KCNU1: variants seen among roughly 807,000 people sequenced by gnomAD.
KCNU1 encodes the protein potassium channel subfamily U member 1.
A neutral mutation model predicts 126.8 loss-of-function variants in KCNU1; 93 were observed. That is an observed-to-expected ratio of 0.73 (90% CI 0.62 to 0.87). KCNU1 has a LOEUF of 0.87. KCNU1 is among the 40% of genes least tolerant of loss of function. The pLI, the probability that KCNU1 is intolerant of heterozygous loss-of-function variation, is 0.00. For synonymous variants in KCNU1, 523 were observed against 494.2 expected, an observed-to-expected ratio of 1.06 and a Z score of -0.77; for missense variants, 1,330 against 1,367.1, an observed-to-expected ratio of 0.97 and a Z score of 0.43.
chr8:36,820,653 C>G (rs1341426496), intron 10 of KCNU1, among the ~76,000 whole-genome samples: 1 of 149,112 alleles, frequency 6.7e-6, no homozygotes, highest in Non-Finnish European at 1.5e-5. Context: ...TCGAGCAGAA[C>G]TTAGAAGCAA....
At chr8:36,848,863 A>G (rs1030097286) in intron 18 of KCNU1, among the ~76,000 whole-genome samples, 3 of 152,014 alleles carry the variant, frequency 2.0e-5, no homozygotes. Flanking sequence ...TATCAACCTG[A>G]AGCACTGTAT....
intron 10 of KCNU1, among the ~76,000 whole-genome samples, chr8:36,829,046 C>T (rs193005313): frequency 6.6e-6 from 1 of 152,192 alleles, no homozygotes; most frequent in African/African-American, 2.4e-5. Flanking sequence ...GTTTACTAGG[C>T]ACACATCTTT....
intron 24 of KCNU1, among the ~76,000 whole-genome samples, chr8:36,923,745 A>G (rs1808444876): frequency 6.6e-6 from 1 of 152,172 alleles, no homozygotes; most frequent in East Asian, 1.9e-4. Context: ...TGGAGCTGGA[A>G]CTCACAGTCT....
At chr8:36,914,451 C>T (rs549702095) in intron 22 of KCNU1, among the ~76,000 whole-genome samples, 2 of 152,330 alleles carry the variant, frequency 1.3e-5, no homozygotes, top group South Asian at 4.1e-4. Context: ...TGGAGAAACT[C>T]CGCCCTAACC....
intron 22 of KCNU1, among the ~76,000 whole-genome samples, chr8:36,915,940 G>T (rs891814352): frequency 6.6e-6 from 1 of 151,518 alleles, no homozygotes; most frequent in African/African-American, 2.4e-5. Flanking sequence ...AGAAAGGGAG[G>T]GAGGAGGAAA....
chr8:36,826,432 A>G (rs1299717034), intron 10 of KCNU1, among the ~76,000 whole-genome samples: 1 of 151,558 alleles, frequency 6.6e-6, no homozygotes, highest in Admixed American at 6.6e-5. Flanking sequence ...CTGGTCTCCA[A>G]CTCCTGACCT....
intron 22 of KCNU1, among the ~76,000 whole-genome samples, chr8:36,911,411 T>C (rs1476278938): frequency 6.6e-6 from 1 of 152,194 alleles, no homozygotes; most frequent in African/African-American, 2.4e-5. Flanking sequence ...ATTTTTGTTG[T>C]TATGATCAGT....
chr8:36,802,272 G>C (rs1009711919), intron 2 of KCNU1, among the ~76,000 whole-genome samples: 1 of 152,088 alleles, frequency 6.6e-6, no homozygotes, highest in Non-Finnish European at 1.5e-5. Flanking sequence ...TTTGGAAGGA[G>C]CTCTGCTGTT....
At chr8:36,787,562 C>T (rs1802752967) in intron 2 of KCNU1, 137 bp downstream of exon 2, 1 of 639,402 alleles carries the variant, frequency 1.6e-6, no homozygotes, top group Non-Finnish European at 2.4e-6. Flanking sequence ...ACCACCTCCC[C>T]ATCCCCATCT....
Position 36,845,917 on chromosome 8 carries a change from C to T in KCNU1, c.1891+18C>T, listed in dbSNP as rs372954843. On this transcript the variant is annotated intron_variant, in intron 18 of 26. Coordinates refer to ENST00000399881, the MANE Select transcript of KCNU1 (RefSeq NM_001031836.3). ...CATCACAGGTAATTGCACTTTATTT[C>T]TGGCTGTCCTTAGCCCAGCCTCTAG... The T allele has an allele frequency of 1.1e-5, 17 of 1,492,976 alleles. No homozygotes were observed. The African/African-American group carries it at 2.2e-4, about 19-fold the overall frequency. 92.5% of individuals were successfully genotyped at this position (1,492,976 alleles called of 1,614,324 possible).
At chr8:36,892,520 T>C (rs376656064) in intron 19 of KCNU1, among the ~76,000 whole-genome samples, 41 of 125,354 alleles carry the variant, frequency 3.3e-4, no homozygotes, top group African/African-American at 1.2e-3. Flanking sequence ...GTATGGTCCA[T>C]ACTTACTGTG....
Position 36,863,126 on chromosome 8 carries a change from G to A in KCNU1, c.1892-1278G>A, listed in dbSNP as rs891409515. ...TTGAGAAATCACATATCCAAAGGAT[G>A]TCCTTCTTCTTCCAGAAGTGTGTTT... On this transcript the variant is annotated intron_variant, in intron 18 of 26. Transcript: ENST00000399881. Among the ~76,000 whole-genome samples the A allele has an allele frequency of 2.0e-4, 30 of 152,148 alleles. 1 individual carries two copies. The highest frequency in any genetic ancestry group is 7.0e-4 in the African/African-American group (29 of 41,428).
intron 22 of KCNU1, among the ~76,000 whole-genome samples, chr8:36,913,600 ATTTT>A (rs11331239): frequency 1.6e-5 from 2 of 129,006 alleles, no homozygotes; most frequent in Non-Finnish European, 1.7e-5. Context: ...GTGAGGTCAC[ATTTT>A]TTTTTTTTTT....
At position 36,835,238 on chromosome 8, in the gene KCNU1, C is replaced by T. The variant is rs577222827; in HGVS notation, c.1295+370C>T. ...CAATTTTATGAACCCTATTAGTGCA[C>T]GTTATTTATTGGGATTTTTCTCTAG... On this transcript the variant is annotated intron_variant, in intron 12 of 26. Transcript: ENST00000399881. Among the ~76,000 whole-genome samples, 9 of 152,186 alleles carry T rather than the reference C, an allele frequency of 5.9e-5. No individual in the cohort carries two copies. In the South Asian group the frequency reaches 6.2e-4, roughly 11 times the overall value.
At chr8:36,890,734 A>G (rs888830838) in intron 19 of KCNU1, among the ~76,000 whole-genome samples, 2 of 152,010 alleles carry the variant, frequency 1.3e-5, no homozygotes, top group East Asian at 3.8e-4. Flanking sequence ...AAGATTCAAC[A>G]TGTGCTATAT....
At chr8:36,876,775 G>T (rs1290055649) in intron 19 of KCNU1, among the ~76,000 whole-genome samples, 1 of 152,124 alleles carries the variant, frequency 6.6e-6, no homozygotes, top group Non-Finnish European at 1.5e-5. Context: ...TTCAAGGTAG[G>T]TGTGTATGTA....
At chr8:36,891,524 T>C (rs959336710) in intron 19 of KCNU1, among the ~76,000 whole-genome samples, 1 of 152,046 alleles carries the variant, frequency 6.6e-6, no homozygotes, top group Non-Finnish European at 1.5e-5. Context: ...CTTTCCTATT[T>C]ACCTATGTAA....
chr8:36,912,208 G>C (rs1304221816), intron 22 of KCNU1, among the ~76,000 whole-genome samples: 1 of 152,170 alleles, frequency 6.6e-6, no homozygotes, highest in Non-Finnish European at 1.5e-5. Context: ...TCATGATAAT[G>C]GCTGTCGATA....
chr8:36,884,885 A>T (rs1215054895), intron 19 of KCNU1, among the ~76,000 whole-genome samples: 2 of 152,236 alleles, frequency 1.3e-5, no homozygotes, highest in African/African-American at 4.8e-5. Context: ...TCTGGCTTGT[A>T]AAGATCTTTG....
Sources: gnomAD v4.1 joint callset for allele counts (sites outside exome capture counted in the v4.1 genomes callset) on GRCh38, gnomAD v4.1.1 for gene constraint, MANE v1.5 for transcripts, NCBI Gene and HGNC (gene_info 2026-07-23, HGNC 2026-07-21) for gene names.